The following MXI1 variants were observed in gnomAD, a reference collection of about 807,000 sequenced individuals.
MXI1 encodes the protein max-interacting protein 1.
MXI1 carries 18 observed loss-of-function variants against 36.9 expected under a neutral mutation model. The observed-to-expected ratio is 0.49, with a 90% CI of 0.34 to 0.72. The LOEUF (loss-of-function observed/expected upper bound fraction) is 0.72. MXI1 is among the 30% of genes least tolerant of loss of function. The pLI is 0.01. For missense variants in MXI1, 304 were observed against 379.1 expected, an observed-to-expected ratio of 0.80 and a Z score of 1.64; for synonymous variants, 160 against 146.7, an observed-to-expected ratio of 1.09 and a Z score of -0.65.
intron 3 of MXI1, among the ~76,000 whole-genome samples, chr10:110,266,684 A>G (rs1856687388): frequency 1.3e-5 from 2 of 152,100 alleles, no homozygotes; most frequent in South Asian, 4.1e-4. Context: ...TATGATGAAG[A>G]GCCTACTAAC....
Position 110,232,420 on chromosome 10 carries a change from A to G in MXI1, c.407+4099A>G, listed in dbSNP as rs183281620. Among the ~76,000 whole-genome samples, 4 of 152,232 alleles carry G rather than the reference A, an allele frequency of 2.6e-5. No individual in the cohort carries two copies. In the East Asian group the frequency reaches 7.7e-4, roughly 29 times the overall value. ...AACACTCTTCTTCAGCTCAATCATAAGTTCCTCAGGAATGTTTCCTCATCT... is the reference window on the plus strand; with the variant it reads ...AACACTCTTCTTCAGCTCAATCATAGGTTCCTCAGGAATGTTTCCTCATCT... On this transcript the variant is annotated intron_variant, in intron 2 of 5. Transcript: ENST00000332674.
chr10:110,279,840 C>T, intron 4 of MXI1, 74 bp from the exon 5 acceptor site: 1 of 1,152,572 alleles, frequency 8.7e-7, no homozygotes. Context: ...CATGTTTTCT[C>T]TGCTAAAGGA....
intron 3 of MXI1, among the ~76,000 whole-genome samples, chr10:110,278,283 C>G (rs1857107223): frequency 6.6e-6 from 1 of 152,138 alleles, no homozygotes; most frequent in African/African-American, 2.4e-5. Flanking sequence ...GCTAGCATTT[C>G]TAGGAGAAAT....
rs1384133531 is a variant in MXI1, at chr10:110,285,625, TTGGATTCCATGC to T, written c.*640_*651del. 3.9e-5 allele frequency: 6 copies of T among 152,324 alleles called. No homozygotes were observed. The highest frequency in any genetic ancestry group is 8.8e-5 in the Non-Finnish European group (6 of 68,036). 9.4% of individuals were successfully genotyped at this position (152,324 alleles called of 1,614,324 possible). On this transcript the variant is annotated 3_prime_UTR_variant, in exon 6 of 6. Coordinates refer to ENST00000332674, the MANE Select transcript of MXI1 (RefSeq NM_130439.3). ...GATCATCATGCAGCTCAACTTTCTG[TTGGATTCCATGC>T]TAAGCAAGCTAACCTTATCCTGCAT...
At chr10:110,217,743 G>T (rs900530348) in intron 1 of MXI1, among the ~76,000 whole-genome samples, 1 of 152,182 alleles carries the variant, frequency 6.6e-6, no homozygotes, top group Admixed American at 6.5e-5. Context: ...CCAGTTCCAG[G>T]TCTATCTTCT....
chr10:110,275,734 C>T (rs747398106), intron 3 of MXI1, among the ~76,000 whole-genome samples: 12 of 152,142 alleles, frequency 7.9e-5, no homozygotes, highest in Non-Finnish European at 1.5e-4. Context: ...AATACAAAAA[C>T]TTAAGGAAAT....
Position 110,227,239 on chromosome 10 carries a change from C to A in MXI1, c.275-950C>A, listed in dbSNP as rs1370826968. The A allele has an allele frequency of 4.2e-5, 23 of 553,724 alleles. No homozygotes were observed. The South Asian group carries it at 1.3e-3, about 32-fold the overall frequency. 34.3% of individuals were successfully genotyped at this position (553,724 alleles called of 1,614,324 possible). On this transcript the variant is annotated intron_variant, in intron 1 of 5. Transcript: ENST00000332674. ...GTGCGCGCGTGGGAGGGATGGTGCG[C>A]GGGGGGGAGGGGCGTGTGCGGGAAG... is the stretch of plus-strand genomic sequence containing the variant.
intron 2 of MXI1, among the ~76,000 whole-genome samples, chr10:110,229,510 T>C (rs1255186820): frequency 2.0e-5 from 3 of 152,208 alleles, no homozygotes; most frequent in Non-Finnish European, 4.4e-5. Flanking sequence ...ATTTCAGACA[T>C]CACCGAGGAA....
rs373381794 is a variant in MXI1 at position 110,257,768 on chromosome 10, C to T, written c.437+12911C>T. The T allele has an allele frequency of 1.0e-3, 307 of 297,110 alleles. 7 individuals carry two copies. The South Asian group carries it at 0.012, about 12-fold the overall frequency. 18.4% of individuals were successfully genotyped at this position (297,110 alleles called of 1,614,324 possible). A position where few individuals can be genotyped will look rare whatever the true frequency, so the allele number is the denominator to read the frequency against. ...AGCTGAAGCACCAGCCTGCTCTATCCAGAGACGCGTACTTTATAAGAACCA... is the reference window on the plus strand; with the variant it reads ...AGCTGAAGCACCAGCCTGCTCTATCTAGAGACGCGTACTTTATAAGAACCA... On this transcript the variant is annotated intron_variant, in intron 3 of 5. Transcript: ENST00000332674.
chr10:110,231,917 C>T (rs1855279538), intron 2 of MXI1, among the ~76,000 whole-genome samples: 1 of 152,078 alleles, frequency 6.6e-6, no homozygotes, highest in Non-Finnish European at 1.5e-5. Flanking sequence ...TCTCAGCTAC[C>T]ATCATCTCTT....
intron 4 of MXI1, 48 bp from the exon 5 acceptor site, chr10:110,279,866 G>C (rs1857172755): frequency 7.1e-7 from 1 of 1,415,466 alleles, no homozygotes; most frequent in African/African-American, 1.4e-5. Context: ...CAGTTTTATT[G>C]TTTGTACTGG....
At chr10:110,244,889 AC>A (rs764889022) in intron 3 of MXI1, 32 bp downstream of exon 3, 1 of 1,604,336 alleles carries the variant, frequency 6.2e-7, no homozygotes, top group East Asian at 2.2e-5. Context: ...GCTTTCACTT[AC>A]GTTTAAAAGC....
chr10:110,215,031 GTTTTTTTTTTTGT>G, intron 1 of MXI1, among the ~76,000 whole-genome samples: 1 of 98,146 alleles, frequency 1.0e-5, no homozygotes, highest in African/African-American at 5.4e-5. Context: ...CTCCACTTCA[GTTTTTTTTTTTGT>G]TTTTTTTTTT....
At chr10:110,277,310 T>A (rs1251935773) in intron 3 of MXI1, among the ~76,000 whole-genome samples, 1 of 152,230 alleles carries the variant, frequency 6.6e-6, no homozygotes, top group Non-Finnish European at 1.5e-5. Context: ...AGCAGGATTG[T>A]CTATTAGTGT....
At chr10:110,233,265 T>C (rs1008868652) in intron 2 of MXI1, among the ~76,000 whole-genome samples, 1 of 152,188 alleles carries the variant, frequency 6.6e-6, no homozygotes, top group Admixed American at 6.5e-5. Context: ...AGAAATGCTT[T>C]AGTCTTATTT....
In MXI1 at chr10:110,225,918, C is replaced by T. The variant is rs1211687136; in HGVS notation, c.275-2271C>T. 3.4e-5 allele frequency: 26 copies of T among 766,678 alleles called. 1 individual carries two copies. In the South Asian group the frequency reaches 1.2e-3, roughly 35 times the overall value. 47.5% of individuals were successfully genotyped at this position (766,678 alleles called of 1,614,324 possible). Reference sequence around the variant, plus strand: ...CGGGCGGGTGCGGGACTACATTTCCCAGGGGGCAGAGGCAGGGGCGGGAGG... The same window carrying T: ...CGGGCGGGTGCGGGACTACATTTCCTAGGGGGCAGAGGCAGGGGCGGGAGG... On this transcript the variant is annotated intron_variant, in intron 1 of 5. Coordinates refer to ENST00000332674, the MANE Select transcript of MXI1 (RefSeq NM_130439.3).
At chr10:110,265,128 G>C (rs1261395928) in intron 3 of MXI1, among the ~76,000 whole-genome samples, 1 of 152,146 alleles carries the variant, frequency 6.6e-6, no homozygotes, top group African/African-American at 2.4e-5. Flanking sequence ...GGTTTTGATA[G>C]AGCTCTGAGT....
rs1447794063 is a variant in MXI1, at chr10:110,215,592, T to G, written c.274+7510T>G. ...ATTTGTTTCACAGGTCCAGTGCTCA[T>G]AAAGTCAGCAATTTTCAAACCTGGT... On this transcript the variant is annotated intron_variant, in intron 1 of 5. Transcript: ENST00000332674. 2.0e-5 allele frequency among the ~76,000 whole-genome samples: 3 copies of G among 152,240 alleles called. No individual in the cohort carries two copies. The East Asian group carries it at 5.8e-4, about 29-fold the overall frequency.
At chr10:110,253,276 C>T (rs1351504522) in intron 3 of MXI1, among the ~76,000 whole-genome samples, 2 of 151,710 alleles carry the variant, frequency 1.3e-5, no homozygotes, top group African/African-American at 4.8e-5. Flanking sequence ...TTCTATACTG[C>T]CTATCGTGTC....
Sources: allele counts gnomAD v4.1 joint callset (sites outside exome capture counted in the v4.1 genomes callset), GRCh38; gene constraint gnomAD v4.1.1; transcripts MANE v1.5; gene names NCBI Gene and HGNC (gene_info 2026-07-23, HGNC 2026-07-21).